The following CISD2 variants were observed in gnomAD, a reference collection of about 807,000 sequenced individuals.
The protein encoded by CISD2 is CDGSH iron-sulfur domain-containing protein 2.
A neutral mutation model predicts 12.9 loss-of-function variants in CISD2; 1 was observed. The ratio of observed to expected loss-of-function variants is 0.08; its 90% CI spans 0.03 to 0.37. The LOEUF is 0.37. Ranked by LOEUF, CISD2 falls within the 10% of genes least tolerant of loss-of-function variation. The pLI is 0.99. For missense variants in CISD2, 97 were observed against 163.1 expected, an observed-to-expected ratio of 0.59 and a Z score of 2.21; for synonymous variants, 50 against 60.6, an observed-to-expected ratio of 0.83 and a Z score of 0.81.
intron 1 of CISD2, among the ~76,000 whole-genome samples, chr4:102,879,027 A>C (rs976480617): frequency 6.6e-6 from 1 of 152,178 alleles, no homozygotes; most frequent in African/African-American, 2.4e-5. Flanking sequence ...CTTTTTCACG[A>C]GGCAGGAGAG....
rs893601547 is a variant in CISD2, at chr4:102,889,666, T to C, written c.*2236T>C. Reference sequence around the variant, plus strand: ...TGCCACATTTTCAGTTGTTAAAATATGCTAAGAGCTATGCCCATATCTTTT... The same window carrying C: ...TGCCACATTTTCAGTTGTTAAAATACGCTAAGAGCTATGCCCATATCTTTT... On this transcript the variant is annotated 3_prime_UTR_variant, in exon 3 of 3. Transcript: ENST00000273986. 4 of 152,218 alleles carry C rather than the reference T, an allele frequency of 2.6e-5. No individual in the cohort carries two copies. Among genetic ancestry groups the C allele is most frequent in the African/African-American group, 4.8e-5 (2 of 41,458 alleles). 9.4% of individuals were successfully genotyped at this position (152,218 alleles called of 1,614,324 possible). A position where few individuals can be genotyped will look rare whatever the true frequency, so the allele number is the denominator to read the frequency against.
intron 1 of CISD2, among the ~76,000 whole-genome samples, chr4:102,873,428 C>T (rs374107410): frequency 2.6e-5 from 4 of 152,204 alleles, no homozygotes; most frequent in South Asian, 4.1e-4. Flanking sequence ...CACGCTACCA[C>T]ACCTGGCTCA....
chr4:102,869,396 T>C (rs1733361619), intron 1 of CISD2: 1 of 730,128 alleles, frequency 1.4e-6, no homozygotes, highest in African/African-American at 1.7e-5. Flanking sequence ...CAGGGTCTTT[T>C]GTCCTCGGAG....
chr4:102,874,435 C>T (rs983005830), intron 1 of CISD2: 2 of 152,038 alleles, frequency 1.3e-5, no homozygotes, highest in Non-Finnish European at 2.9e-5. Context: ...CACAATATAC[C>T]CATATGACAA....
rs536121429 is a variant in CISD2, at chr4:102,889,038, C to T, written c.*1608C>T. 8.5e-5 allele frequency: 13 copies of T among 152,350 alleles called. No homozygotes were observed. Among genetic ancestry groups the T allele is most frequent in the South Asian group, 2.1e-4 (1 of 4,830 alleles). The allele number at this position is 152,350 out of a possible 1,614,324, so 9.4% of individuals were successfully genotyped here. On this transcript the variant is annotated 3_prime_UTR_variant, in exon 3 of 3. Coordinates refer to ENST00000273986, the MANE Select transcript of CISD2 (RefSeq NM_001008388.5). ...ATTGGGCACTTGTATGTACCAGACA[C>T]TACACTAAGCATGGTACTTGGGTTT...
Position 102,869,074 on chromosome 4 carries a change from C to G in CISD2, c.-11C>G. The G allele has an allele frequency of 6.2e-7, 1 of 1,605,224 alleles. No homozygotes were observed. The highest frequency in any genetic ancestry group is 8.5e-7 in the Non-Finnish European group (1 of 1,176,528). On this transcript the variant is annotated 5_prime_UTR_variant, in exon 1 of 3. Transcript: ENST00000273986. ...GGGGGCTCGGGAGAGGAGTGGACGCCGCTGGCCAGGATGGTGCTGGAGAGC... is the reference window on the plus strand; with the variant it reads ...GGGGGCTCGGGAGAGGAGTGGACGCGGCTGGCCAGGATGGTGCTGGAGAGC...
chr4:102,885,288 T>A lies in CISD2; in HGVS notation c.176T>A (p.Phe59Tyr). The change falls in exon 2 of 3, where the codon TTC (phenylalanine) becomes TAC (tyrosine). Residue 59 changes from phenylalanine to tyrosine, a missense_variant. By Grantham distance (22) the Phe-to-Tyr change is conservative (BLOSUM62 3). Transcript: ENST00000273986. The part of the protein sequence containing the change: ...ALLGYLAVRP[F>Y]LPKKKQQKDS... ...CTTGGCTACCTTGCAGTTCGTCCAT[T>A]CCTCCCGAAGAAGAAACAACAGAAG... The A allele has an allele frequency of 6.2e-7, 1 of 1,614,108 alleles. No homozygotes were observed. The highest frequency in any genetic ancestry group is 1.1e-5 in the South Asian group (1 of 91,080).
rs1734281922 is a variant in CISD2, at chr4:102,892,229, T to C, written c.*4799T>C. On this transcript the variant is annotated 3_prime_UTR_variant, in exon 3 of 3. Coordinates refer to ENST00000273986, the MANE Select transcript of CISD2 (RefSeq NM_001008388.5). ...ATGCTTCATCATGCCCGGCTAATTT[T>C]TTATTTTTCTAAGAGACAGAGTCTC... The C allele has an allele frequency of 6.6e-6, 1 of 152,142 alleles. No individual in the cohort carries two copies. 9.4% of individuals were successfully genotyped at this position (152,142 alleles called of 1,614,324 possible).
At position 102,890,806 on chromosome 4, in the gene CISD2, C is replaced by CAATAAG. The variant is rs1327456037; in HGVS notation, c.*3376_*3377insAATAAG. ...AGTGAGCCAAGATTGTGCCACTGCA[C>CAATAAG]TCCAGCCTGGGCAACAGAAGTGAAA... On this transcript the variant is annotated 3_prime_UTR_variant, in exon 3 of 3. Coordinates refer to ENST00000273986, the MANE Select transcript of CISD2 (RefSeq NM_001008388.5). 1.6e-5 allele frequency: 2 copies of CAATAAG among 128,394 alleles called. No homozygotes were observed. The highest frequency in any genetic ancestry group is 6.5e-5 in the African/African-American group (2 of 30,712). 8.0% of individuals were successfully genotyped at this position (128,394 alleles called of 1,614,324 possible).
chr4:102,874,584 T>A (rs1227093327), intron 1 of CISD2: 1 of 152,206 alleles, frequency 6.6e-6, no homozygotes, highest in Non-Finnish European at 1.5e-5. Context: ...ACCTACAAGC[T>A]AAGGGACACC....
rs1409743393 is a variant in CISD2 at position 102,889,185 on chromosome 4, T to C, written c.*1755T>C. 12 of 152,342 alleles carry C rather than the reference T, an allele frequency of 7.9e-5. No individual in the cohort carries two copies. The highest frequency in any genetic ancestry group is 6.5e-5 in the Admixed American group (1 of 15,310). The allele number at this position is 152,342 out of a possible 1,614,324, so 9.4% of individuals were successfully genotyped here. The stretch of plus-strand genomic sequence containing the variant: ...TTTTTGAGAAGTTTTACAAGGTGTA[T>C]GTCCAAAATTGTTCTTTCCTCACAT... On this transcript the variant is annotated 3_prime_UTR_variant, in exon 3 of 3. Coordinates refer to ENST00000273986, the MANE Select transcript of CISD2 (RefSeq NM_001008388.5).
intron 1 of CISD2, among the ~76,000 whole-genome samples, chr4:102,873,298 A>C (rs1335400302): frequency 6.6e-6 from 1 of 151,952 alleles, no homozygotes; most frequent in Admixed American, 6.6e-5. Flanking sequence ...AAAGGGTTTC[A>C]CTCTGTTGCC....
Position 102,888,630 on chromosome 4 carries a change from A to G in CISD2, c.*1200A>G, listed in dbSNP as rs1216862365. The G allele has an allele frequency of 1.3e-5, 2 of 152,058 alleles. No homozygotes were observed. Among genetic ancestry groups the G allele is most frequent in the East Asian group, 3.9e-4 (2 of 5,194 alleles). The allele number at this position is 152,058 out of a possible 1,614,324, so 9.4% of individuals were successfully genotyped here. On this transcript the variant is annotated 3_prime_UTR_variant, in exon 3 of 3. Coordinates refer to ENST00000273986, the MANE Select transcript of CISD2 (RefSeq NM_001008388.5). ...CTTTTTAGTTTCATCTTACATTACT[A>G]CTCTCATAATAGCTATCCTTAGCCA...
rs1327456037 is a variant in CISD2, at chr4:102,890,806, C to CAA, written c.*3376_*3377insAA. 2 of 128,350 alleles carry CAA rather than the reference C, an allele frequency of 1.6e-5. No homozygotes were observed. The highest frequency in any genetic ancestry group is 6.5e-5 in the African/African-American group (2 of 30,646). 8.0% of individuals were successfully genotyped at this position (128,350 alleles called of 1,614,324 possible). On this transcript the variant is annotated 3_prime_UTR_variant, in exon 3 of 3. Transcript: ENST00000273986. ...AGTGAGCCAAGATTGTGCCACTGCA[C>CAA]TCCAGCCTGGGCAACAGAAGTGAAA...
intron 1 of CISD2, among the ~76,000 whole-genome samples, chr4:102,878,507 T>C (rs1733641675): frequency 6.6e-6 from 1 of 152,188 alleles, no homozygotes; most frequent in Non-Finnish European, 1.5e-5. Flanking sequence ...TAAACCTAAG[T>C]TCCGATTTCA....
chr4:102,869,699 C>T (rs1733375652), intron 1 of CISD2, among the ~76,000 whole-genome samples: 1 of 152,138 alleles, frequency 6.6e-6, no homozygotes, highest in African/African-American at 2.4e-5. Context: ...AGGAGATAAC[C>T]TCCATTCCCT....
intron 1 of CISD2, among the ~76,000 whole-genome samples, chr4:102,884,816 T>A (rs1364843007): frequency 1.3e-5 from 2 of 152,214 alleles, no homozygotes; most frequent in Admixed American, 6.5e-5. Flanking sequence ...CTGCAGATAT[T>A]CTGTTGTATG....
chr4:102,885,998 T>C (rs1733891083), intron 2 of CISD2, among the ~76,000 whole-genome samples: 1 of 152,194 alleles, frequency 6.6e-6, no homozygotes, highest in Non-Finnish European at 1.5e-5. Context: ...ATCTGTTTCT[T>C]GTACTTGATC....
At chr4:102,872,226 G>T (rs1345420828) in intron 1 of CISD2, among the ~76,000 whole-genome samples, 1 of 152,058 alleles carries the variant, frequency 6.6e-6, no homozygotes, top group South Asian at 2.1e-4. Flanking sequence ...GTGCCACCAT[G>T]CCTGGCTAAT....
Sources: allele counts gnomAD v4.1 joint callset (sites outside exome capture counted in the v4.1 genomes callset), GRCh38; gene constraint gnomAD v4.1.1; transcripts MANE v1.5; gene names NCBI Gene and HGNC (gene_info 2026-07-23, HGNC 2026-07-21).